RNF19A: variants seen among roughly 807,000 people sequenced by gnomAD.
The protein encoded by RNF19A is E3 ubiquitin-protein ligase RNF19A.
A neutral mutation model predicts 75.7 loss-of-function variants in RNF19A; 32 were observed. The observed-to-expected ratio is 0.42, with a 90% CI of 0.32 to 0.57. The LOEUF (loss-of-function observed/expected upper bound fraction) is 0.57. Among genes scored for constraint, RNF19A ranks in the 20% least tolerant of loss-of-function variants. The pLI is 0.10. For synonymous variants in RNF19A, 335 were observed against 345.2 expected, an observed-to-expected ratio of 0.97 and a Z score of 0.33; for missense variants, 782 against 1,036.3, an observed-to-expected ratio of 0.75 and a Z score of 3.37.
intron 1 of RNF19A, among the ~76,000 whole-genome samples, chr8:100,328,511 AC>A (rs1443390406): frequency 1.3e-5 from 2 of 151,282 alleles, no homozygotes; most frequent in South Asian, 4.2e-4. Flanking sequence ...TCGCTCTGTC[AC>A]CTAGGCTGGA....
At chr8:100,306,737 T>G (rs947357445) in intron 1 of RNF19A, among the ~76,000 whole-genome samples, 2 of 152,220 alleles carry the variant, frequency 1.3e-5, no homozygotes, top group African/African-American at 4.8e-5. Context: ...GGAAATATTA[T>G]CCCTTAGTCT....
In RNF19A at chr8:100,275,215, A is replaced by T; in HGVS notation, c.675-54T>A. 1 of 1,491,704 alleles carries T rather than the reference A, an allele frequency of 6.7e-7. No homozygotes were observed. Among genetic ancestry groups the T allele is most frequent in the South Asian group, 1.1e-5 (1 of 87,058 alleles). 92.4% of individuals were successfully genotyped at this position (1,491,704 alleles called of 1,614,324 possible). On this transcript the variant is annotated intron_variant, in intron 2 of 9. Coordinates refer to ENST00000341084, the MANE Select transcript of RNF19A (RefSeq NM_183419.4). This position sits in a 1 kb window ranked among gnomAD's most constrained non-coding sequence, Gnocchi z 4.3. ...ATGTGACATAAAACAAGAGATACTCATTTCAAAAAGTATCCAACTAAAGAT... is the reference window on the plus strand; with the variant it reads ...ATGTGACATAAAACAAGAGATACTCTTTTCAAAAAGTATCCAACTAAAGAT...
At chr8:100,304,913 C>CA (rs950695042) in intron 1 of RNF19A, among the ~76,000 whole-genome samples, 1 of 152,100 alleles carries the variant, frequency 6.6e-6, no homozygotes, top group Non-Finnish European at 1.5e-5. Flanking sequence ...TATACTAATC[C>CA]AATGAAAAAG....
At position 100,279,647 on chromosome 8, in the gene RNF19A, G is replaced by A. The variant is rs193230530; in HGVS notation, c.675-4486C>T. Among the ~76,000 whole-genome samples the A allele has an allele frequency of 2.6e-5, 4 of 152,262 alleles. No individual in the cohort carries two copies. In the East Asian group the frequency reaches 7.7e-4, roughly 29 times the overall value. On this transcript the variant is annotated intron_variant, in intron 2 of 9. Transcript: ENST00000341084. ...GGCTCGCTGCAACGTCCGCCTCCCA[G>A]GTTCAAGCTCAGATTACAGGGGCGC...
At chr8:100,274,027 C>A (rs931790713) in intron 3 of RNF19A, among the ~76,000 whole-genome samples, 15 of 152,158 alleles carry the variant, frequency 9.9e-5, no homozygotes, top group African/African-American at 3.6e-4. Flanking sequence ...TCAAGTGATT[C>A]GCCTGCCTCA....
intron 3 of RNF19A, among the ~76,000 whole-genome samples, chr8:100,271,894 A>T (rs1032084411): frequency 1.3e-5 from 2 of 152,166 alleles, no homozygotes; most frequent in Non-Finnish European, 2.9e-5. Flanking sequence ...CCATTCCCCA[A>T]GAATCAATTA....
rs1361989409 is a variant in RNF19A, at chr8:100,259,300, G to C, written c.1827-54C>G. On this transcript the variant is annotated intron_variant, in intron 9 of 9. Coordinates refer to ENST00000341084, the MANE Select transcript of RNF19A (RefSeq NM_183419.4). The surrounding 1 kb of genome is among the most constrained non-coding windows in gnomAD (Gnocchi z 4.5). ...ATAATTGCTGACTTCTTTTTGTTCA[G>C]ATGACTGGGGGAAGGGTTTCTATGT... is the stretch of plus-strand genomic sequence containing the variant. 5 of 1,420,404 alleles carry C rather than the reference G, an allele frequency of 3.5e-6. No homozygotes were observed. The highest frequency in any genetic ancestry group is 9.6e-7 in the Non-Finnish European group (1 of 1,037,846). 88.0% of individuals were successfully genotyped at this position (1,420,404 alleles called of 1,614,324 possible).
At chr8:100,266,336 A>G (rs572028650) in intron 5 of RNF19A, among the ~76,000 whole-genome samples, 6 of 152,336 alleles carry the variant, frequency 3.9e-5, no homozygotes, top group African/African-American at 9.6e-5. Flanking sequence ...ACTGTACCCT[A>G]TGACCTGAAC....
rs1258305242 is a variant in RNF19A at position 100,314,979 on chromosome 8, G to A, written c.-242-1607C>T. ...ATGGTAAAGTATCGTCCCTCCCCTT[G>A]AGCAGCTTGTAAACTTGCCAGGGAA... On this transcript the variant is annotated intron_variant, in intron 1 of 3. Transcript: ENST00000519527. The surrounding 1 kb of genome is among the most constrained non-coding windows in gnomAD (Gnocchi z 4.1). Among the ~76,000 whole-genome samples the A allele has an allele frequency of 1.3e-5, 2 of 152,138 alleles. No homozygotes were observed. The highest frequency in any genetic ancestry group is 1.3e-4 in the Admixed American group (2 of 15,274).
chr8:100,310,240 T>A, upstream of RNF19A: 1 of 985,118 alleles, frequency 1.0e-6, no homozygotes, highest in Non-Finnish European at 1.2e-6. Context: ...CGGGCGGCTC[T>A]GGACGCGGCT....
chr8:100,257,828 G>A lies in RNF19A; in HGVS notation c.*728C>T. ...TTTTGTAATACTTATAACCTAATGG[G>A]ACTTTATTTTGTAGTTTTATGTATC... On this transcript the variant is annotated 3_prime_UTR_variant, in exon 10 of 10. Coordinates refer to ENST00000341084, the MANE Select transcript of RNF19A (RefSeq NM_183419.4). 2.6e-6 allele frequency: 1 copy of A among 391,778 alleles called. No individual in the cohort carries two copies. Among genetic ancestry groups the A allele is most frequent in the Non-Finnish European group, 4.5e-6 (1 of 222,014 alleles). The allele number at this position is 391,778 out of a possible 1,614,324, so 24.3% of individuals were successfully genotyped here. A position where few individuals can be genotyped will look rare whatever the true frequency, so the allele number is the denominator to read the frequency against.
chr8:100,310,220 G>T, upstream of RNF19A: 1 of 985,172 alleles, frequency 1.0e-6, no homozygotes, highest in Non-Finnish European at 1.2e-6. Context: ...CACGCCCACC[G>T]GGCCCGCTGC....
In RNF19A at chr8:100,322,226, C is replaced by G. The variant is rs574617200; in HGVS notation, c.-242-8854G>C. 6.6e-6 allele frequency among the ~76,000 whole-genome samples: 1 copy of G among 152,184 alleles called. No homozygotes were observed. The highest frequency in any genetic ancestry group is 2.4e-5 in the African/African-American group (1 of 41,448). Reference sequence around the variant, plus strand: ...AGTCTGTTTAGTCTATATTGAAAATCTGTTGTTTAGTATAGTCCCTTTTAT... The same window carrying G: ...AGTCTGTTTAGTCTATATTGAAAATGTGTTGTTTAGTATAGTCCCTTTTAT... On this transcript the variant is annotated intron_variant, in intron 1 of 3. Coordinates refer to the RNF19A transcript ENST00000519527. The surrounding 1 kb of genome is among the most constrained non-coding windows in gnomAD (Gnocchi z 5.1).
rs1821337222 is a variant in RNF19A, at chr8:100,292,332, C to T, written c.-93-4065G>A. Reference sequence around the variant, plus strand: ...GTCTCACTACAAGTCATTTACATTTCACTTTCTGTGCACTAGGCACATGTT... The same window carrying T: ...GTCTCACTACAAGTCATTTACATTTTACTTTCTGTGCACTAGGCACATGTT... On this transcript the variant is annotated intron_variant, in intron 1 of 9. Transcript: ENST00000341084. Among the ~76,000 whole-genome samples, 6 of 151,792 alleles carry T rather than the reference C, an allele frequency of 4.0e-5. No homozygotes were observed. The South Asian group carries it at 6.2e-4, about 16-fold the overall frequency.
Position 100,275,140 on chromosome 8 carries a change from T to C in RNF19A, c.696A>G (p.Gly232=). ...PDCGYAVIAF[G]CASCPKLTCG... ...AAGTTAATTTTGGACAGCTGGCACATCCAAATGCTATCACAGCATATCTTG... is the reference window on the plus strand; with the variant it reads ...AAGTTAATTTTGGACAGCTGGCACACCCAAATGCTATCACAGCATATCTTG... The change falls in exon 3 of 10, where the codon GGA becomes GGG. Residue 232 remains glycine (G), a synonymous_variant. Coordinates refer to ENST00000341084, the MANE Select transcript of RNF19A (RefSeq NM_183419.4). This position sits in a 1 kb window ranked among gnomAD's most constrained non-coding sequence, Gnocchi z 4.3. 1 of 1,614,076 alleles carries C rather than the reference T, an allele frequency of 6.2e-7. No individual in the cohort carries two copies. The highest frequency in any genetic ancestry group is 8.5e-7 in the Non-Finnish European group (1 of 1,179,972).
At chr8:100,312,673 C>T (rs1428320663), upstream of RNF19A, among the ~76,000 whole-genome samples, 2 of 152,016 alleles carry the variant, frequency 1.3e-5, no homozygotes, top group Admixed American at 6.5e-5. Context: ...CCTGTAATCC[C>T]GGCACTTTGG....
At chr8:100,301,484 T>G (rs1821825603) in intron 1 of RNF19A, among the ~76,000 whole-genome samples, 1 of 152,194 alleles carries the variant, frequency 6.6e-6, no homozygotes, top group African/African-American at 2.4e-5. Context: ...TTTCTCACTG[T>G]TCTACATAAA....
chr8:100,334,748 G>A (rs1822655101), intron 1 of RNF19A, among the ~76,000 whole-genome samples: 1 of 152,176 alleles, frequency 6.6e-6, no homozygotes, highest in South Asian at 2.1e-4. Context: ...TTTCCTGTCT[G>A]GTTTCCAGGC....
chr8:100,328,703 C>A (rs1299203404), intron 1 of RNF19A, among the ~76,000 whole-genome samples: 1 of 152,134 alleles, frequency 6.6e-6, no homozygotes, highest in Non-Finnish European at 1.5e-5. Flanking sequence ...AACTCCTGAC[C>A]TCGTGATTCA....
Sources: allele counts gnomAD v4.1 joint callset (sites outside exome capture counted in the v4.1 genomes callset), GRCh38; gene constraint gnomAD v4.1.1; non-coding constraint Gnocchi (gnomAD v3.1); transcripts MANE v1.5; gene names NCBI Gene and HGNC (gene_info 2026-07-23, HGNC 2026-07-21).